Variants in CXADR observed in about 807,000 individuals in gnomAD.
CXADR encodes CXADR cell adhesion molecule.
Under a neutral mutation model 40.3 loss-of-function variants are expected in CXADR, and 20 were observed. That is an observed-to-expected ratio of 0.50 (90% confidence interval 0.35 to 0.72). The LOEUF (loss-of-function observed/expected upper bound fraction) is 0.72, where lower values mean the gene tolerates loss of function less well. Ranked by LOEUF, CXADR falls within the 30% of genes least tolerant of loss-of-function variation. The probability of loss-of-function intolerance (pLI) is 0.01; values close to 1 mark genes in which losing one functional copy is unlikely to be tolerated. For missense variants in CXADR, 332 were observed against 449.1 expected (o/e 0.74, Z 2.36); for synonymous variants, 150 against 161.3 (o/e 0.93, Z 0.53).
intron 7 of CXADR, among the ~76,000 whole-genome samples, chr21:17,575,344 G>T (rs546688673): frequency 6.7e-6 from 1 of 150,344 alleles, no homozygotes; most frequent in African/African-American, 2.5e-5. Flanking sequence ...CACATGCCTG[G>T]CTAATTTTTT....
intron 1 of CXADR, among the ~76,000 whole-genome samples, chr21:17,523,900 C>G (rs564178091): frequency 1.3e-5 from 2 of 151,852 alleles, no homozygotes; most frequent in Non-Finnish European, 2.9e-5. Context: ...GCTCTGTCGC[C>G]CAGGCTGGAG....
At chr21:17,593,189 T>C (rs1447632004) in exon 8 of CXADR, 9 of 1,460,364 alleles carry the variant, frequency 6.2e-6, no homozygotes, top group Non-Finnish European at 7.3e-6. Flanking sequence ...ATTACAGTTG[T>C]ATAAATATGG....
chr21:17,604,512 T>G, the CXADR span, among the ~76,000 whole-genome samples: 17 of 152,228 alleles, frequency 1.1e-4, 2 homozygotes, highest in South Asian at 3.5e-3. Flanking sequence ...TATCCAGTAT[T>G]ATTTGGGATT....
intron 7 of CXADR, among the ~76,000 whole-genome samples, chr21:17,581,924 T>C (rs994599385): frequency 4.6e-3 from 2 of 438 alleles, no homozygotes; most frequent in Non-Finnish European, 8.8e-3. Flanking sequence ...GGGAGGAGTT[T>C]GTTTGTTTGT....
At chr21:17,570,237 C>T (rs534237898), downstream of CXADR, 41 of 941,460 alleles carry the variant, frequency 4.4e-5, no homozygotes, top group South Asian at 4.4e-4. Flanking sequence ...ATAAAGATTG[C>T]GACAATCATA....
chr21:17,592,895 T>G (rs1157837547), intron 7 of CXADR, among the ~76,000 whole-genome samples: 1 of 151,978 alleles, frequency 6.6e-6, no homozygotes, highest in Non-Finnish European at 1.5e-5. Flanking sequence ...ACTATTGAGC[T>G]ATACCTTTAT....
the CXADR span, among the ~76,000 whole-genome samples, chr21:17,615,133 TGG>T: frequency 8.5e-5 from 13 of 152,248 alleles, no homozygotes; most frequent in African/African-American, 3.1e-4. Context: ...CCTTCATGAA[TGG>T]AATTAGTGCC....
downstream of CXADR, among the ~76,000 whole-genome samples, chr21:17,572,747 T>C (rs908990110): frequency 1.0e-4 from 8 of 76,448 alleles, no homozygotes; most frequent in South Asian, 1.8e-3. Context: ...TGCAGACTTT[T>C]AGTGTGGTTG....
At chr21:17,600,549 A>G in the CXADR span, among the ~76,000 whole-genome samples, 1 of 152,192 alleles carries the variant, frequency 6.6e-6, no homozygotes, top group African/African-American at 2.4e-5. Context: ...GGCTGGGTGC[A>G]GTGGCTTACA....
At chr21:17,547,274 A>T (rs2123248446) in intron 2 of CXADR, 81 bp downstream of exon 2, 6 of 1,580,036 alleles carry the variant, frequency 3.8e-6, no homozygotes, top group Non-Finnish European at 5.2e-6. Context: ...AGTCACATGG[A>T]TGGGCTGCAG....
chr21:17,632,793 C>T, the CXADR span, among the ~76,000 whole-genome samples: 3 of 151,976 alleles, frequency 2.0e-5, no homozygotes, highest in Non-Finnish European at 1.5e-5. Flanking sequence ...GACATGAACG[C>T]GGGAGGCAGA....
At chr21:17,559,156 C>G (rs1205661320) in intron 4 of CXADR, 25 bp downstream of exon 4, 2 of 1,611,722 alleles carry the variant, frequency 1.2e-6, no homozygotes, top group South Asian at 1.1e-5. Flanking sequence ...AGTATTTGTA[C>G]CACATGCCAT....
At position 17,552,278 on chromosome 21, in the gene CXADR, A is replaced by G. The variant is rs540463719; in HGVS notation, c.415+325A>G. 5.9e-5 allele frequency among the ~76,000 whole-genome samples: 9 copies of G among 152,326 alleles called. No individual in the cohort carries two copies. In the South Asian group the frequency reaches 1.9e-3, roughly 32 times the overall value. Reference sequence around the variant, plus strand: ...CTTGTCCTCAGAATTTGCCCTGAGAATTATGTAGAACCATGTTTCTATGAT... The same window carrying G: ...CTTGTCCTCAGAATTTGCCCTGAGAGTTATGTAGAACCATGTTTCTATGAT... On this transcript the variant is annotated intron_variant, in intron 3 of 6. Transcript: ENST00000284878.
At chr21:17,546,003 T>A (rs2060892505) in intron 1 of CXADR, among the ~76,000 whole-genome samples, 1 of 152,162 alleles carries the variant, frequency 6.6e-6, no homozygotes, top group African/African-American at 2.4e-5. Context: ...GGTCTCGAAC[T>A]CCTGACTTCA....
At chr21:17,514,728 C>T (rs1382306917) in intron 1 of CXADR, among the ~76,000 whole-genome samples, 3 of 151,648 alleles carry the variant, frequency 2.0e-5, no homozygotes. Context: ...CCGCCCCCCG[C>T]GTTTAAGCGA....
At chr21:17,518,492 A>G in intron 1 of CXADR, 1 of 809,108 alleles carries the variant, frequency 1.2e-6, no homozygotes, top group Non-Finnish European at 2.2e-6. Context: ...TGATTTGTTC[A>G]ATCTAGTCCA....
At chr21:17,594,319 A>C, downstream of CXADR, 1 of 1,612,902 alleles carries the variant, frequency 6.2e-7, no homozygotes, top group Non-Finnish European at 8.5e-7. Context: ...AGGTGGAAAT[A>C]TAAGTTCTGA....
rs1437627116 is a variant in CXADR, at chr21:17,569,119, GCTT to G, written c.*3431_*3433del. The G allele has an allele frequency of 1.0e-6, 1 of 985,264 alleles. No homozygotes were observed. The highest frequency in any genetic ancestry group is 1.2e-6 in the Non-Finnish European group (1 of 829,942). 61.0% of individuals were successfully genotyped at this position (985,264 alleles called of 1,614,324 possible). ...TGACTATCAAATTCTGTGATGTGTG[GCTT>G]CTTAAAAATATTCTCAGTGTCTTTT... is the stretch of plus-strand genomic sequence containing the variant. On this transcript the variant is annotated 3_prime_UTR_variant, in exon 7 of 7. Transcript: ENST00000284878.
At chr21:17,519,131 C>A in intron 1 of CXADR, 1 of 683,124 alleles carries the variant, frequency 1.5e-6, no homozygotes, top group Non-Finnish European at 2.6e-6. Flanking sequence ...GCCTCCCCTC[C>A]AAGGCAAGCC....
Sources: gnomAD v4.1 joint callset for allele counts (sites outside exome capture counted in the v4.1 genomes callset) on GRCh38, gnomAD v4.1.1 for gene constraint, MANE v1.5 for transcripts, NCBI Gene and HGNC (gene_info 2026-07-23, HGNC 2026-07-21) for gene names.